The following RALY variants were observed in gnomAD, a reference collection of about 807,000 sequenced individuals.
RALY encodes RNA-binding protein Raly.
A neutral mutation model predicts 30.7 loss-of-function variants in RALY; 15 were observed. The observed-to-expected ratio is 0.49, with a 90% CI of 0.33 to 0.75. The LOEUF is 0.75. RALY is among the 30% of genes least tolerant of loss of function. The pLI, the probability that RALY is intolerant of heterozygous loss-of-function variation, is 0.02. For synonymous variants in RALY, 177 were observed against 170.8 expected (o/e 1.04, Z -0.28); for missense variants, 339 against 414.3 (o/e 0.82, Z 1.58).
At chr20:34,015,380 CA>C (rs759904457) in intron 1 of RALY, among the ~76,000 whole-genome samples, 3 of 151,152 alleles carry the variant, frequency 2.0e-5, no homozygotes, top group Non-Finnish European at 4.4e-5. Flanking sequence ...CATAAAAAAA[CA>C]AAAAAGCAAA....
intron 2 of RALY, among the ~76,000 whole-genome samples, chr20:34,043,518 A>C (rs1227193837): frequency 6.6e-6 from 1 of 152,210 alleles, no homozygotes; most frequent in African/African-American, 2.4e-5. Flanking sequence ...TTTAAGACAC[A>C]GATCTTATTC....
intron 1 of RALY, among the ~76,000 whole-genome samples, chr20:34,026,870 T>G (rs1184871667): frequency 2.0e-5 from 3 of 152,214 alleles, no homozygotes; most frequent in Admixed American, 6.5e-5. Context: ...GGGCTGAGAC[T>G]CTGAATATGG....
rs776431037 is a variant in RALY at position 34,015,946 on chromosome 20, G to A, written c.-92-15576G>A. Among the ~76,000 whole-genome samples the A allele has an allele frequency of 4.0e-5, 6 of 151,770 alleles. No homozygotes were observed. The East Asian group carries it at 9.6e-4, about 24-fold the overall frequency. ...CAAGCCATCTATTCCTCCTCCTCCC[G>A]TATGTGCACACATTTACCCTCTTAC... On this transcript the variant is annotated intron_variant, in intron 1 of 9. Coordinates refer to ENST00000246194, the MANE Select transcript of RALY (RefSeq NM_016732.3).
At chr20:34,055,376 C>A (rs2033210249) in intron 2 of RALY, among the ~76,000 whole-genome samples, 1 of 152,176 alleles carries the variant, frequency 6.6e-6, no homozygotes, top group African/African-American at 2.4e-5. Context: ...TGTCTCTCTC[C>A]AACTTTTCCT....
At chr20:34,026,718 C>T (rs993770060) in intron 1 of RALY, among the ~76,000 whole-genome samples, 3 of 152,090 alleles carry the variant, frequency 2.0e-5, no homozygotes, top group Non-Finnish European at 4.4e-5. Flanking sequence ...CTTACCTGTT[C>T]TCCCTTCACC....
intron 1 of RALY, among the ~76,000 whole-genome samples, chr20:34,018,969 G>C (rs1381107095): frequency 1.3e-5 from 2 of 152,122 alleles, no homozygotes; most frequent in African/African-American, 4.8e-5. Flanking sequence ...ACGGATTGGG[G>C]GTCAGTTTAG....
rs908395611 is a variant in RALY at position 34,034,748 on chromosome 20, A to G, written c.-10+3144A>G. On this transcript the variant is annotated intron_variant, in intron 2 of 9. Coordinates refer to ENST00000246194, the MANE Select transcript of RALY (RefSeq NM_016732.3). ...TTTAGCATTTGGTTTCTAAAACCCCATAAGATTAAAAGAAGAATATCAAAA... is the reference window on the plus strand; with the variant it reads ...TTTAGCATTTGGTTTCTAAAACCCCGTAAGATTAAAAGAAGAATATCAAAA... Among the ~76,000 whole-genome samples, 3 of 152,222 alleles carry G rather than the reference A, an allele frequency of 2.0e-5. No individual in the cohort carries two copies. The East Asian group carries it at 5.8e-4, about 29-fold the overall frequency.
chr20:34,084,520 G>C lies in RALY; in HGVS notation c.*4615G>C, dbSNP rs1336234228. ...GTTTAAAAGCATGGCCCCAAGTAAA[G>C]GTGGCATCTCTATCCTATCCTCGCC... On this transcript the variant is annotated 3_prime_UTR_variant, in exon 10 of 10. Transcript: ENST00000246194. The C allele has an allele frequency of 6.6e-6, 1 of 152,260 alleles. No individual in the cohort carries two copies. Among genetic ancestry groups the C allele is most frequent in the South Asian group, 2.1e-4 (1 of 4,836 alleles). 9.4% of individuals were successfully genotyped at this position (152,260 alleles called of 1,614,324 possible). A position where few individuals can be genotyped will look rare whatever the true frequency, so the allele number is the denominator to read the frequency against.
At chr20:34,077,004 C>T (rs1011884354) in intron 7 of RALY, 24 bp from the exon 8 acceptor site, 5 of 1,610,314 alleles carry the variant, frequency 3.1e-6, no homozygotes, top group Admixed American at 3.3e-5. Flanking sequence ...TTTATTCTCC[C>T]CTCCTCCACC....
chr20:34,023,901 A>G (rs2031922397), intron 1 of RALY, among the ~76,000 whole-genome samples: 1 of 152,174 alleles, frequency 6.6e-6, no homozygotes, highest in Non-Finnish European at 1.5e-5. Context: ...TTGAATAGGT[A>G]TTCAAAAACC....
chr20:34,077,964 G>A (rs1343622439), intron 8 of RALY, among the ~76,000 whole-genome samples: 1 of 152,248 alleles, frequency 6.6e-6, no homozygotes, highest in Non-Finnish European at 1.5e-5. Context: ...TCAGCTCGTA[G>A]GGACTGAGCC....
chr20:34,022,392 G>C (rs2031862197), intron 1 of RALY, among the ~76,000 whole-genome samples: 1 of 152,134 alleles, frequency 6.6e-6, no homozygotes, highest in South Asian at 2.1e-4. Context: ...ACTCAAAGCA[G>C]CTGATGTTGT....
chr20:34,023,408 C>A (rs987333159), intron 1 of RALY, among the ~76,000 whole-genome samples: 2 of 152,154 alleles, frequency 1.3e-5, no homozygotes, highest in Non-Finnish European at 2.9e-5. Context: ...AGAGCCATGG[C>A]TTAAACCTAG....
At position 34,080,933 on chromosome 20, in the gene RALY, CAGT is replaced by C. The variant is rs1370486554; in HGVS notation, c.*1031_*1033del. 1 of 152,260 alleles carries C rather than the reference CAGT, an allele frequency of 6.6e-6. No individual in the cohort carries two copies. The highest frequency in any genetic ancestry group is 2.4e-5 in the African/African-American group (1 of 41,454). 9.4% of individuals were successfully genotyped at this position (152,260 alleles called of 1,614,324 possible). ...TAGAGCGTACTCCAGTGACAGCAAT[CAGT>C]AGGAAGTTTGCATCCGGAGACACGC... is the stretch of plus-strand genomic sequence containing the variant. On this transcript the variant is annotated 3_prime_UTR_variant, in exon 10 of 10. Transcript: ENST00000246194.
At chr20:34,037,190 A>G (rs923164100) in intron 2 of RALY, among the ~76,000 whole-genome samples, 6 of 152,238 alleles carry the variant, frequency 3.9e-5, no homozygotes, top group Admixed American at 3.9e-4. Context: ...CAAGTGGCCT[A>G]CAATGTATAT....
chr20:34,082,973 C>G lies in RALY; in HGVS notation c.*3068C>G, dbSNP rs2034053416. The stretch of plus-strand genomic sequence containing the variant: ...GCCAGTGGGTATACTGGATTGTGAG[C>G]TAAGAGGCCTGGGACTTTCCCCCTG... On this transcript the variant is annotated 3_prime_UTR_variant, in exon 10 of 10. Coordinates refer to ENST00000246194, the MANE Select transcript of RALY (RefSeq NM_016732.3). 6.6e-6 allele frequency: 1 copy of G among 152,182 alleles called. No homozygotes were observed. The allele number at this position is 152,182 out of a possible 1,614,324, so 9.4% of individuals were successfully genotyped here. A position where few individuals can be genotyped will look rare whatever the true frequency, so the allele number is the denominator to read the frequency against.
chr20:34,026,648 G>A (rs1440469360), intron 1 of RALY, among the ~76,000 whole-genome samples: 1 of 151,514 alleles, frequency 6.6e-6, no homozygotes, highest in Admixed American at 6.6e-5. Context: ...CTGATCTCGT[G>A]ATCCGCCCGC....
chr20:34,075,827 G>T (rs201811924), intron 5 of RALY, 47 bp from the exon 6 acceptor site: 1 of 1,578,682 alleles, frequency 6.3e-7, no homozygotes, highest in African/African-American at 1.3e-5. Flanking sequence ...ATACCGCCCT[G>T]GTGGCCACAA....
intron 2 of RALY, among the ~76,000 whole-genome samples, chr20:34,055,861 G>A (rs1019237618): frequency 2.0e-5 from 3 of 152,188 alleles, no homozygotes; most frequent in African/African-American, 7.2e-5. Context: ...GGATCCATGG[G>A]CACTATTGGT....
Sources: allele counts gnomAD v4.1 joint callset (sites outside exome capture counted in the v4.1 genomes callset), GRCh38; gene constraint gnomAD v4.1.1; transcripts MANE v1.5; gene names NCBI Gene and HGNC (gene_info 2026-07-23, HGNC 2026-07-21).